VWC2: variants seen among roughly 807,000 people sequenced by gnomAD.
VWC2 encodes the protein brorin.
VWC2 carries 14 observed loss-of-function variants against 29.8 expected under a neutral mutation model. The ratio of observed to expected loss-of-function variants is 0.47; its 90% CI spans 0.31 to 0.74. The LOEUF (loss-of-function observed/expected upper bound fraction) is 0.74. Among genes scored for constraint, VWC2 ranks in the 30% least tolerant of loss-of-function variants. VWC2 has a pLI of 0.05. For missense variants in VWC2, 457 were observed against 459.8 expected (o/e 0.99, Z 0.05); for synonymous variants, 213 against 199.0 (o/e 1.07, Z -0.59).
chr7:49,872,692 G>A (rs1245434915), intron 3 of VWC2, among the ~76,000 whole-genome samples: 1 of 150,380 alleles, frequency 6.6e-6, no homozygotes, highest in Non-Finnish European at 1.5e-5. Context: ...GATCACCTGA[G>A]GTCAGGAGTT....
In VWC2 at chr7:49,775,711, G is replaced by T; in HGVS notation, c.276G>T (p.Lys92Asn). The change falls in exon 2 of 4, where the codon AAG (lysine) becomes AAT (asparagine). Residue 92 changes from lysine (K) to asparagine (N), a missense_variant. Physicochemically the swap from Lys to Asn is moderately conservative, Grantham distance 94. This residue lies in a region of VWC2 where 272 missense variants were observed against 202.7 expected (regional missense o/e 1.34). Transcript: ENST00000340652. The part of the protein sequence containing the change: ...RGLAGREPWS[K>N]LKQAWVSQGG... The stretch of plus-strand genomic sequence containing the variant: ...TCGCCGGCCGTGAGCCGTGGAGCAA[G>T]CTGAAGCAGGCCTGGGTCTCCCAGG... 1 of 1,523,062 alleles carries T rather than the reference G, an allele frequency of 6.6e-7. No homozygotes were observed. 94.3% of individuals were successfully genotyped at this position (1,523,062 alleles called of 1,614,324 possible). A position where few individuals can be genotyped will look rare whatever the true frequency, so the allele number is the denominator to read the frequency against.
At chr7:49,865,679 T>C (rs918184820) in intron 3 of VWC2, among the ~76,000 whole-genome samples, 1 of 152,222 alleles carries the variant, frequency 6.6e-6, no homozygotes, top group African/African-American at 2.4e-5. Context: ...GCAAGTCACA[T>C]GTCAAGTGAA....
chr7:49,871,188 GAAT>G (rs1791134350), intron 3 of VWC2, among the ~76,000 whole-genome samples: 2 of 152,206 alleles, frequency 1.3e-5, no homozygotes, highest in Middle Eastern at 3.4e-3. Flanking sequence ...AAATAAAAAC[GAAT>G]AATAATATCT....
chr7:49,904,626 C>G (rs1357985579), intron 3 of VWC2, among the ~76,000 whole-genome samples: 1 of 151,892 alleles, frequency 6.6e-6, no homozygotes, highest in East Asian at 1.9e-4. Flanking sequence ...TATAACTTAC[C>G]ACTTTTACAT....
At chr7:49,898,132 T>G (rs368970786) in intron 3 of VWC2, among the ~76,000 whole-genome samples, 1 of 152,014 alleles carries the variant, frequency 6.6e-6, no homozygotes, top group Non-Finnish European at 1.5e-5. Context: ...TGTGTGTGTA[T>G]GTATGTGTGT....
chr7:49,802,621 G>T, intron 2 of VWC2, 90 bp from the exon 3 acceptor site: 1 of 1,544,218 alleles, frequency 6.5e-7, no homozygotes, highest in South Asian at 1.2e-5. Context: ...GTGAGCGACA[G>T]AGCGAGACTC....
intron 3 of VWC2, among the ~76,000 whole-genome samples, chr7:49,876,315 C>G (rs891723701): frequency 2.0e-5 from 3 of 152,100 alleles, no homozygotes; most frequent in African/African-American, 7.2e-5. Flanking sequence ...AAATGCTTTT[C>G]ATTTAAAAGA....
chr7:49,810,419 A>G (rs754639519), intron 3 of VWC2, among the ~76,000 whole-genome samples: 2 of 152,142 alleles, frequency 1.3e-5, no homozygotes, highest in African/African-American at 4.8e-5. Context: ...GAGACATTTC[A>G]TGAGTAGAAG....
intron 3 of VWC2, among the ~76,000 whole-genome samples, chr7:49,859,581 T>C (rs967165468): frequency 1.3e-5 from 2 of 152,236 alleles, no homozygotes; most frequent in Admixed American, 6.5e-5. Context: ...CTTTTACATA[T>C]GTGTGCATTG....
chr7:49,814,763 C>T (rs2128708048), intron 3 of VWC2, among the ~76,000 whole-genome samples: 1 of 152,292 alleles, frequency 6.6e-6, no homozygotes, highest in Non-Finnish European at 1.5e-5. Context: ...TAGGCATGGC[C>T]ATTACCAGTT....
intron 2 of VWC2, among the ~76,000 whole-genome samples, chr7:49,781,244 G>A (rs1474825647): frequency 1.3e-5 from 2 of 151,722 alleles, no homozygotes; most frequent in Non-Finnish European, 2.9e-5. Flanking sequence ...CATTTAAACA[G>A]TGACTTTTTT....
intron 3 of VWC2, among the ~76,000 whole-genome samples, chr7:49,854,049 C>A (rs1437662154): frequency 1.3e-5 from 2 of 151,870 alleles, no homozygotes; most frequent in African/African-American, 4.8e-5. Context: ...TGAACTCATC[C>A]TTTTTTATGG....
intron 3 of VWC2, among the ~76,000 whole-genome samples, chr7:49,831,746 C>T (rs373633448): frequency 3.9e-5 from 6 of 152,140 alleles, no homozygotes; most frequent in African/African-American, 7.2e-5. Flanking sequence ...GGTGATCAAC[C>T]GCAAAATAAA....
chr7:49,775,745 G>A lies in VWC2; in HGVS notation c.310G>A (p.Ala104Thr), dbSNP rs1055606572. Residue 104 changes from alanine to threonine, a missense_variant, in exon 2 of 4, where the codon GCC becomes ACC. Ala to Thr is a moderately conservative substitution (Grantham distance 58). Coordinates refer to ENST00000340652, the MANE Select transcript of VWC2 (RefSeq NM_198570.5). ...GGCCTGGGTCTCCCAGGGCGGGGGC[G>A]CCAAGGCCGGGGATCTGCAGGTCCG... is the stretch of plus-strand genomic sequence containing the variant. The part of the protein sequence containing the change: ...KQAWVSQGGG[A>T]KAGDLQVRPR... The A allele has an allele frequency of 2.6e-6, 4 of 1,510,574 alleles. No individual in the cohort carries two copies. In the African/African-American group the frequency reaches 4.2e-5, roughly 16 times the overall value. 93.6% of individuals were successfully genotyped at this position (1,510,574 alleles called of 1,614,324 possible).
At chr7:49,901,984 A>T (rs1275364079) in intron 3 of VWC2, among the ~76,000 whole-genome samples, 1 of 146,720 alleles carries the variant, frequency 6.8e-6, no homozygotes, top group Non-Finnish European at 1.5e-5. Context: ...GAGCATCCAC[A>T]TGTGAAAAAA....
At chr7:49,789,271 G>A (rs1400106439) in intron 2 of VWC2, among the ~76,000 whole-genome samples, 1 of 130,744 alleles carries the variant, frequency 7.6e-6, no homozygotes, top group Non-Finnish European at 1.5e-5. Flanking sequence ...GTGTGTGAGC[G>A]GGTGTGTGTG....
intron 3 of VWC2, among the ~76,000 whole-genome samples, chr7:49,813,901 G>C (rs987758038): frequency 1.3e-5 from 2 of 152,130 alleles, no homozygotes; most frequent in Admixed American, 1.3e-4. Context: ...ACAATATTTA[G>C]CAGAAACACA....
At chr7:49,859,740 T>C (rs1009068145) in intron 3 of VWC2, among the ~76,000 whole-genome samples, 3 of 152,208 alleles carry the variant, frequency 2.0e-5, no homozygotes, top group African/African-American at 7.2e-5. Flanking sequence ...ATTTTCTCCA[T>C]CTATTTCTCC....
At chr7:49,866,224 T>C (rs1790885176) in intron 3 of VWC2, among the ~76,000 whole-genome samples, 1 of 152,210 alleles carries the variant, frequency 6.6e-6, no homozygotes, top group South Asian at 2.1e-4. Context: ...AATAGACCCT[T>C]CGCCAGATGT....
Sources: allele counts gnomAD v4.1 joint callset (sites outside exome capture counted in the v4.1 genomes callset), GRCh38; gene constraint gnomAD v4.1.1; regional missense constraint gnomAD v4.1.1; transcripts MANE v1.5; gene names NCBI Gene and HGNC (gene_info 2026-07-23, HGNC 2026-07-21).